The following ABCB11 variants were observed in gnomAD, a reference collection of about 807,000 sequenced individuals.
The protein encoded by ABCB11 is ATP binding cassette subfamily B member 11.
Under a neutral mutation model 148.0 loss-of-function variants are expected in ABCB11, and 95 were observed. The ratio of observed to expected loss-of-function variants is 0.64; its 90% CI spans 0.54 to 0.76. ABCB11 has a LOEUF of 0.76. Among genes scored for constraint, ABCB11 ranks in the 30% least tolerant of loss-of-function variants. The probability of loss-of-function intolerance (pLI) is 0.00; values close to 1 mark genes in which losing one functional copy is unlikely to be tolerated. For missense variants in ABCB11, 1,523 were observed against 1,617.8 expected (o/e 0.94, Z 1.01); for synonymous variants, 591 against 555.4 (o/e 1.06, Z -0.90).
intron 1 of ABCB11, among the ~76,000 whole-genome samples, chr2:169,027,967 A>T (rs1361982631): frequency 6.6e-6 from 1 of 152,148 alleles, no homozygotes; most frequent in Non-Finnish European, 1.5e-5. Context: ...TCTGGGCTGA[A>T]AGATACCATT....
At chr2:169,002,503 G>A (rs1026085152) in intron 5 of ABCB11, among the ~76,000 whole-genome samples, 2 of 152,132 alleles carry the variant, frequency 1.3e-5, no homozygotes, top group Non-Finnish European at 2.9e-5. Flanking sequence ...ACGCTCCCAT[G>A]CACACTGCAG....
chr2:168,960,168 C>G (rs377269044), intron 18 of ABCB11, among the ~76,000 whole-genome samples: 1 of 151,666 alleles, frequency 6.6e-6, no homozygotes, highest in African/African-American at 2.4e-5. Context: ...ACGAGAATTC[C>G]AATTTAGTAG....
chr2:168,994,659 C>A (rs981520479), intron 7 of ABCB11, among the ~76,000 whole-genome samples: 1 of 152,018 alleles, frequency 6.6e-6, no homozygotes, highest in African/African-American at 2.4e-5. Flanking sequence ...CTGTAAGTTC[C>A]TCAAGAGCAC....
intron 5 of ABCB11, among the ~76,000 whole-genome samples, chr2:169,005,705 G>T (rs970944820): frequency 2.0e-5 from 3 of 152,028 alleles, no homozygotes; most frequent in Non-Finnish European, 4.4e-5. Flanking sequence ...GATTTTTAGT[G>T]TTCTTACAAC....
chr2:168,930,732 C>T lies in ABCB11; in HGVS notation c.3344G>A (p.Ser1115Asn). 2 of 1,607,584 alleles carry T rather than the reference C, an allele frequency of 1.2e-6. No homozygotes were observed. The highest frequency in any genetic ancestry group is 1.7e-6 in the Non-Finnish European group (2 of 1,175,532). The change falls in exon 25 of 28, where the codon AGT becomes AAT. Residue 1115 changes from serine (S) to asparagine (N), a missense_variant. By Grantham distance (46) the Ser-to-Asn change is conservative. Transcript: ENST00000650372. ...PGQTLAFVGS[S>N]GCGKSTSIQL... is the part of the protein sequence containing the mutation. ...AATGCTAGTGCTTTTGCCACATCCA[C>T]TGCTCCCAACAAACGCCAGTGTCTG...
chr2:169,013,596 A>G (rs1695259451), intron 4 of ABCB11, 86 bp from the exon 5 acceptor site: 11 of 1,095,992 alleles, frequency 1.0e-5, no homozygotes, highest in Admixed American at 2.3e-5. Context: ...CTAGATTCTC[A>G]TGAATAGTAC....
At chr2:169,019,454 G>T (rs1038524370) in intron 1 of ABCB11, among the ~76,000 whole-genome samples, 4 of 152,102 alleles carry the variant, frequency 2.6e-5, no homozygotes, top group South Asian at 2.1e-4. Context: ...GCAGGAGATT[G>T]GTTCTAGCAC....
intron 18 of ABCB11, among the ~76,000 whole-genome samples, chr2:168,960,023 A>T (rs1692997508): frequency 6.6e-6 from 1 of 150,506 alleles, no homozygotes; most frequent in South Asian, 2.1e-4. Context: ...AAATTGTGTG[A>T]GACTAACTGA....
intron 5 of ABCB11, among the ~76,000 whole-genome samples, chr2:169,002,578 T>C (rs1694907662): frequency 6.6e-6 from 1 of 152,178 alleles, no homozygotes; most frequent in African/African-American, 2.4e-5. Flanking sequence ...ATGTGGTACA[T>C]ATAGATAATG....
chr2:168,976,765 A>G (rs888310629), intron 11 of ABCB11, 78 bp from the exon 12 acceptor site: 4 of 879,172 alleles, frequency 4.5e-6, no homozygotes, highest in Non-Finnish European at 7.4e-6. Flanking sequence ...AAATTCAAAT[A>G]AACATCTTTG....
chr2:168,957,026 G>A (rs987449567), intron 19 of ABCB11, among the ~76,000 whole-genome samples: 7 of 151,428 alleles, frequency 4.6e-5, no homozygotes, highest in African/African-American at 1.7e-4. Context: ...TAATGTTCTA[G>A]CCCAGATAAT....
chr2:168,920,400 C>G (rs1004916858), downstream of ABCB11, among the ~76,000 whole-genome samples: 8 of 151,634 alleles, frequency 5.3e-5, no homozygotes, highest in South Asian at 1.0e-3. Flanking sequence ...TAAATAAACT[C>G]TCTTGAACTA....
At chr2:168,955,831 A>T (rs1457504881) in intron 19 of ABCB11, among the ~76,000 whole-genome samples, 1 of 151,680 alleles carries the variant, frequency 6.6e-6, no homozygotes, top group Non-Finnish European at 1.5e-5. Context: ...TCCCAGATAA[A>T]ATGGGGGTAC....
At chr2:169,018,761 G>C (rs1195438843) in intron 1 of ABCB11, among the ~76,000 whole-genome samples, 1 of 152,112 alleles carries the variant, frequency 6.6e-6, no homozygotes, top group Non-Finnish European at 1.5e-5. Context: ...CCAGGATATA[G>C]ACACTCGATT....
intron 21 of ABCB11, among the ~76,000 whole-genome samples, chr2:168,939,462 T>C (rs1212156283): frequency 6.6e-6 from 1 of 152,126 alleles, no homozygotes; most frequent in Non-Finnish European, 1.5e-5. Flanking sequence ...TTAGGAACAC[T>C]ACACATAATA....
chr2:168,941,177 A>G (rs1329706324), intron 21 of ABCB11, among the ~76,000 whole-genome samples: 2 of 152,030 alleles, frequency 1.3e-5, no homozygotes, highest in East Asian at 1.9e-4. Context: ...TACATCTGCC[A>G]TAGTTATTCC....
At chr2:168,991,320 T>A (rs1213631687) in intron 8 of ABCB11, among the ~76,000 whole-genome samples, 2 of 152,110 alleles carry the variant, frequency 1.3e-5, no homozygotes, top group African/African-American at 2.4e-5. Context: ...ATATCATGAT[T>A]GGGTATAATA....
At chr2:168,968,074 C>T (rs770970791) in intron 17 of ABCB11, among the ~76,000 whole-genome samples, 3 of 151,758 alleles carry the variant, frequency 2.0e-5, no homozygotes, top group Non-Finnish European at 4.4e-5. Context: ...TTGACCTTCA[C>T]GTAAGACAGT....
chr2:168,980,641 T>C (rs1319003473), intron 10 of ABCB11, among the ~76,000 whole-genome samples: 1 of 152,182 alleles, frequency 6.6e-6, no homozygotes, highest in Non-Finnish European at 1.5e-5. Flanking sequence ...TCATAAGTAG[T>C]AGAGCAGAAT....
Sources: allele counts gnomAD v4.1 joint callset (sites outside exome capture counted in the v4.1 genomes callset), GRCh38; gene constraint gnomAD v4.1.1; transcripts MANE v1.5; gene names NCBI Gene and HGNC (gene_info 2026-07-23, HGNC 2026-07-21).